The following MCTP2 variants were observed in gnomAD, a reference collection of about 807,000 sequenced individuals.
The protein encoded by MCTP2 is multiple C2 and transmembrane domain-containing protein 2.
MCTP2 carries 132 observed loss-of-function variants against 111.6 expected under a neutral mutation model. The ratio of observed to expected loss-of-function variants is 1.18; its 90% CI spans 1.03 to 1.37. MCTP2 has a LOEUF of 1.37. Ranked by LOEUF, MCTP2 falls within the 40% of genes most tolerant of loss-of-function variation. The pLI is 0.00. For missense variants in MCTP2, 1,183 were observed against 1,067.9 expected (o/e 1.11, Z -1.50); for synonymous variants, 395 against 387.7 (o/e 1.02, Z -0.22).
intron 2 of MCTP2, among the ~76,000 whole-genome samples, chr15:94,301,127 A>C (rs751894480): frequency 2.6e-5 from 4 of 152,160 alleles, no homozygotes; most frequent in Non-Finnish European, 5.9e-5. Context: ...TCAAAAATGA[A>C]TCCTTTGCTC....
At position 94,358,605 on chromosome 15, in the gene MCTP2, CT is replaced by C. The variant is rs747502432; in HGVS notation, c.1295del (p.Leu432ArgfsTer13). The C allele has an allele frequency of 1.4e-5, 22 of 1,613,524 alleles. No individual in the cohort carries two copies. The East Asian group carries it at 4.2e-4, about 31-fold the overall frequency. On this transcript the variant is annotated frameshift_variant, in exon 10 of 23. Coordinates refer to ENST00000357742, the MANE Select transcript of MCTP2 (RefSeq NM_001385001.1). LOFTEE classifies it high-confidence loss of function. ...GGACAACAAAAAGCATGAGGAACGTCTGGGCACGTGAGTCCCCTCTGCTTTC... is the reference window on the plus strand; with the variant it reads ...GGACAACAAAAAGCATGAGGAACGTCGGGCACGTGAGTCCCCTCTGCTTTC... ...GKDNKKHEER[L>X]GTCKVDISAL... is the part of the protein sequence containing the mutation.
At chr15:94,417,345 T>C (rs1422184506) in intron 17 of MCTP2, among the ~76,000 whole-genome samples, 1 of 152,138 alleles carries the variant, frequency 6.6e-6, no homozygotes, top group Admixed American at 6.6e-5. Flanking sequence ...AGAAGCATCT[T>C]TAAATGGGAT....
Position 94,367,592 on chromosome 15 carries a change from G to C in MCTP2, c.1302-13G>C. ...ATCACTTTTCTCTCTCTTGATTCCT[G>C]AAACTTTTCTAGGTGTAAAGTGGAT... On this transcript the variant is annotated splice_polypyrimidine_tract_variant and intron_variant, in intron 10 of 22. Transcript: ENST00000357742. 4 of 1,600,682 alleles carry C rather than the reference G, an allele frequency of 2.5e-6. No homozygotes were observed. The highest frequency in any genetic ancestry group is 3.4e-6 in the Non-Finnish European group (4 of 1,174,306).
At chr15:94,275,740 A>G (rs1410989174) in intron 1 of MCTP2, among the ~76,000 whole-genome samples, 2 of 152,194 alleles carry the variant, frequency 1.3e-5, no homozygotes, top group East Asian at 1.9e-4. Context: ...TCTTAAATCA[A>G]CTTGTAAGAA....
chr15:94,252,721 A>T (rs1422841088), intron 1 of MCTP2, among the ~76,000 whole-genome samples: 1 of 152,032 alleles, frequency 6.6e-6, no homozygotes, highest in Non-Finnish European at 1.5e-5. Context: ...ACCTAAACTT[A>T]TAAGTGTAAC....
At position 94,276,748 on chromosome 15, in the gene MCTP2, A is replaced by G. The variant is rs146250203; in HGVS notation, c.-65-21453A>G. On this transcript the variant is annotated intron_variant, in intron 1 of 22. Transcript: ENST00000357742. ...ATTTACTACATTAACAGATAAAAGG[A>G]GAAAAGAAACATGATTACTTAAACA... Among the ~76,000 whole-genome samples, 983 of 150,958 alleles carry G rather than the reference A, an allele frequency of 6.5e-3. 3 individuals carry two copies. The highest frequency in any genetic ancestry group is 0.019 in the South Asian group (89 of 4,798).
intron 17 of MCTP2, among the ~76,000 whole-genome samples, chr15:94,414,836 T>C (rs538180159): frequency 1.3e-5 from 2 of 152,322 alleles, no homozygotes; most frequent in East Asian, 3.9e-4. Flanking sequence ...TTAATGTTGC[T>C]AATACACTTT....
chr15:94,240,696 T>C (rs1001948895), intron 1 of MCTP2, among the ~76,000 whole-genome samples: 2 of 152,168 alleles, frequency 1.3e-5, no homozygotes, highest in Non-Finnish European at 1.5e-5. Flanking sequence ...TGACTGTGTA[T>C]ATATGAAGCT....
At chr15:94,448,502 C>T (rs2084258655) in intron 19 of MCTP2, among the ~76,000 whole-genome samples, 2 of 152,056 alleles carry the variant, frequency 1.3e-5, no homozygotes, top group South Asian at 4.1e-4. Flanking sequence ...ATCCAAAATG[C>T]CCCAGAATTT....
chr15:94,454,935 C>A (rs917893811), intron 19 of MCTP2, among the ~76,000 whole-genome samples: 2 of 152,164 alleles, frequency 1.3e-5, no homozygotes, highest in African/African-American at 4.8e-5. Flanking sequence ...ATTCTCCTGC[C>A]TCAGCCTCCC....
chr15:94,246,830 C>A (rs181322440), intron 1 of MCTP2, among the ~76,000 whole-genome samples: 1 of 152,226 alleles, frequency 6.6e-6, no homozygotes, highest in Admixed American at 6.5e-5. Flanking sequence ...GGAGAAAAAT[C>A]GATTTAACCT....
At chr15:94,340,787 C>A in intron 6 of MCTP2, 26 bp from the exon 7 acceptor site, 1 of 1,407,758 alleles carries the variant, frequency 7.1e-7, no homozygotes, top group Non-Finnish European at 1.0e-6. Flanking sequence ...TAAGTGGTAG[C>A]ATTATTTGTT....
chr15:94,324,005 C>T (rs372486598), intron 4 of MCTP2, among the ~76,000 whole-genome samples: 65 of 152,174 alleles, frequency 4.3e-4, no homozygotes, highest in African/African-American at 1.5e-3. Flanking sequence ...TTTAAGTTCT[C>T]GATCTGAGTA....
At chr15:94,432,149 T>C (rs1480891821) in intron 17 of MCTP2, among the ~76,000 whole-genome samples, 2 of 152,164 alleles carry the variant, frequency 1.3e-5, no homozygotes, top group Non-Finnish European at 2.9e-5. Flanking sequence ...CTTGTTTCAG[T>C]TTTAACCCAG....
At chr15:94,288,796 C>T (rs551872941) in intron 1 of MCTP2, among the ~76,000 whole-genome samples, 5 of 152,098 alleles carry the variant, frequency 3.3e-5, no homozygotes, top group African/African-American at 7.2e-5. Flanking sequence ...AAACTATAAG[C>T]GAGGAAAGAT....
intron 17 of MCTP2, among the ~76,000 whole-genome samples, chr15:94,410,260 G>C (rs1410671363): frequency 6.6e-6 from 1 of 152,114 alleles, no homozygotes; most frequent in African/African-American, 2.4e-5. Flanking sequence ...ACCTGGACTT[G>C]TTGAGAACCT....
intron 2 of MCTP2, among the ~76,000 whole-genome samples, chr15:94,300,633 C>G (rs1567361484): frequency 6.6e-6 from 1 of 152,072 alleles, no homozygotes; most frequent in Admixed American, 6.5e-5. Flanking sequence ...AGTGCCTCTG[C>G]CCTCCAACTG....
At position 94,479,109 on chromosome 15, in the gene MCTP2, T is replaced by C; in HGVS notation, c.*75T>C. 6.9e-7 allele frequency: 1 copy of C among 1,442,076 alleles called. No individual in the cohort carries two copies. Among genetic ancestry groups the C allele is most frequent in the South Asian group, 1.1e-5 (1 of 87,592 alleles). The allele number at this position is 1,442,076 out of a possible 1,614,324, so 89.3% of individuals were successfully genotyped here. A position where few individuals can be genotyped will look rare whatever the true frequency, so the allele number is the denominator to read the frequency against. ...TAGACCAATGTTATGGCTGTTTCAG[T>C]GGTACCCAAGGTGTCCTTCTGAAAT... is the stretch of plus-strand genomic sequence containing the variant. On this transcript the variant is annotated 3_prime_UTR_variant, in exon 23 of 23. Coordinates refer to ENST00000357742, the MANE Select transcript of MCTP2 (RefSeq NM_001385001.1).
intron 22 of MCTP2, among the ~76,000 whole-genome samples, chr15:94,477,737 C>T (rs1475605231): frequency 2.6e-5 from 4 of 152,228 alleles, no homozygotes; most frequent in Admixed American, 2.6e-4. Flanking sequence ...CTTTCCCCTT[C>T]ATTCCGAGTT....
Sources: gnomAD v4.1 joint callset for allele counts (sites outside exome capture counted in the v4.1 genomes callset) on GRCh38, gnomAD v4.1.1 for gene constraint, MANE v1.5 for transcripts, NCBI Gene and HGNC (gene_info 2026-07-23, HGNC 2026-07-21) for gene names.